MMP26: variants seen among roughly 807,000 people sequenced by gnomAD.
MMP26 encodes the protein matrix metalloproteinase-26.
A neutral mutation model predicts 31.0 loss-of-function variants in MMP26; 33 were observed. The ratio of observed to expected loss-of-function variants is 1.06; its 90% CI spans 0.81 to 1.42. The LOEUF (loss-of-function observed/expected upper bound fraction) is 1.42. Ranked by LOEUF, MMP26 falls within the 40% of genes most tolerant of loss-of-function variation. The pLI is 0.00. For missense variants in MMP26, 347 were observed against 316.1 expected (o/e 1.10, Z -0.74); for synonymous variants, 122 against 114.9 (o/e 1.06, Z -0.40).
intron 2 of MMP26, among the ~76,000 whole-genome samples, chr11:4,961,358 G>C (rs541526516): frequency 6.6e-6 from 1 of 152,132 alleles, no homozygotes; most frequent in Non-Finnish European, 1.5e-5. Context: ...TGGCTGATTC[G>C]ATGGTGCCCA....
At chr11:4,899,530 T>C (rs73405046) in intron 2 of MMP26, among the ~76,000 whole-genome samples, 5,052 of 152,264 alleles carry the variant, frequency 0.033, 277 homozygotes, top group African/African-American at 0.12. Flanking sequence ...AATGTCTCTA[T>C]AGAATGACCT....
At chr11:4,907,860 G>T (rs1039683343) in intron 2 of MMP26, 16 of 1,613,860 alleles carry the variant, frequency 9.9e-6, no homozygotes, top group Non-Finnish European at 1.4e-5. Context: ...TTCACCTTAA[G>T]GAGATTAAAA....
At chr11:4,914,782 G>C (rs2133573523) in intron 2 of MMP26, 1 of 1,613,988 alleles carries the variant, frequency 6.2e-7, no homozygotes, top group Non-Finnish European at 8.5e-7. Flanking sequence ...TGTAGACAAT[G>C]GGATTCATCA....
intron 2 of MMP26, chr11:4,787,004 T>G (rs918337224): frequency 4.6e-5 from 7 of 153,040 alleles, no homozygotes; most frequent in African/African-American, 1.7e-4. Flanking sequence ...CCCACGACCC[T>G]CAGTGTCCTC....
rs372038181 is a variant in MMP26, at chr11:4,943,619, C to T, written c.-144-44449C>T. 1.5e-4 allele frequency: 57 copies of T among 374,098 alleles called. No homozygotes were observed. In the East Asian group the frequency reaches 2.1e-3, roughly 14 times the overall value. The allele number at this position is 374,098 out of a possible 1,614,324, so 23.2% of individuals were successfully genotyped here. On this transcript the variant is annotated intron_variant, in intron 2 of 7. Coordinates refer to ENST00000380390, the MANE Select transcript of MMP26 (RefSeq NM_021801.5). ...GTGGAAGTCAGTGACACACCCACAC[C>T]CCCAGGTTGCAACAACCGAAGATGT...
At chr11:4,776,341 T>C (rs896734280) in intron 2 of MMP26, among the ~76,000 whole-genome samples, 1 of 152,184 alleles carries the variant, frequency 6.6e-6, no homozygotes, top group African/African-American at 2.4e-5. Context: ...AAATAACAGT[T>C]CTATGTTTAG....
At chr11:4,907,994 G>C in intron 2 of MMP26, 1 of 1,614,154 alleles carries the variant, frequency 6.2e-7, no homozygotes, top group Non-Finnish European at 8.5e-7. Context: ...TACTATGCTG[G>C]ACTTGGCACT....
chr11:4,734,407 T>G (rs1848210570), intron 1 of MMP26, among the ~76,000 whole-genome samples: 1 of 152,150 alleles, frequency 6.6e-6, no homozygotes, highest in African/African-American at 2.4e-5. Context: ...CTAAACATTC[T>G]TTTATTCCTT....
intron 2 of MMP26, among the ~76,000 whole-genome samples, chr11:4,810,157 A>G (rs1002575811): frequency 1.3e-5 from 2 of 152,180 alleles, no homozygotes; most frequent in African/African-American, 4.8e-5. Context: ...AGAAGTAGGA[A>G]GGCAGGGGAT....
intron 1 of MMP26, among the ~76,000 whole-genome samples, chr11:4,730,160 C>T (rs943204821): frequency 2.0e-5 from 3 of 152,080 alleles, no homozygotes; most frequent in Non-Finnish European, 2.9e-5. Context: ...TATTGGGTTG[C>T]TTTAATATTT....
At position 4,822,218 on chromosome 11, in the gene MMP26, A is replaced by G. The variant is rs532943557; in HGVS notation, c.-145+54877A>G. On this transcript the variant is annotated intron_variant, in intron 2 of 7. Coordinates refer to ENST00000380390, the MANE Select transcript of MMP26 (RefSeq NM_021801.5). ...ATCAGTTTGTCTCTTGTCCATCGCT[A>G]TGGCCATTCAGCACCTCCATTTGTC... is the stretch of plus-strand genomic sequence containing the variant. The G allele has an allele frequency of 9.6e-5, 152 of 1,586,858 alleles. 2 individuals are homozygous for G. The South Asian group carries it at 1.6e-3, about 17-fold the overall frequency.
At chr11:4,732,718 T>G (rs1205786646) in intron 1 of MMP26, among the ~76,000 whole-genome samples, 1 of 152,220 alleles carries the variant, frequency 6.6e-6, no homozygotes, top group African/African-American at 2.4e-5. Context: ...TCATACAATA[T>G]TGGGCATTTG....
intron 1 of MMP26, among the ~76,000 whole-genome samples, chr11:4,746,196 A>G (rs1045703312): frequency 1.3e-5 from 2 of 152,174 alleles, no homozygotes; most frequent in East Asian, 1.9e-4. Context: ...CACATTATTA[A>G]TTCTCACTTT....
chr11:4,962,113 G>T (rs1307426322), intron 2 of MMP26, among the ~76,000 whole-genome samples: 5 of 152,096 alleles, frequency 3.3e-5, no homozygotes, highest in South Asian at 4.2e-4. Context: ...CAAATCCTTG[G>T]TCAAGTTCTA....
At chr11:4,848,789 G>C in intron 2 of MMP26, 2 of 1,614,150 alleles carry the variant, frequency 1.2e-6, no homozygotes, top group African/African-American at 2.7e-5. Flanking sequence ...GGAGCGCTGG[G>C]TAGTGGAGAG....
chr11:4,854,383 C>G (rs1442043911), intron 2 of MMP26, among the ~76,000 whole-genome samples: 1 of 152,204 alleles, frequency 6.6e-6, no homozygotes, highest in Non-Finnish European at 1.5e-5. Context: ...GCTTTTCCAA[C>G]AGTCTTAGCA....
At chr11:4,763,827 T>A (rs1848596674) in intron 1 of MMP26, among the ~76,000 whole-genome samples, 2 of 152,246 alleles carry the variant, frequency 1.3e-5, no homozygotes, top group South Asian at 4.1e-4. Context: ...TGTCACAGAT[T>A]AATAATTATT....
chr11:4,953,354 A>G (rs1846392789), intron 2 of MMP26, among the ~76,000 whole-genome samples: 2 of 124,950 alleles, frequency 1.6e-5, no homozygotes. Context: ...AAAATTAAAG[A>G]AAATAGATAG....
chr11:4,739,582 A>T (rs909832002), intron 1 of MMP26, among the ~76,000 whole-genome samples: 21 of 151,894 alleles, frequency 1.4e-4, no homozygotes, highest in Non-Finnish European at 2.1e-4. Context: ...ACCACTTGAT[A>T]TGGAGAATAT....
Sources: allele counts gnomAD v4.1 joint callset (sites outside exome capture counted in the v4.1 genomes callset), GRCh38; gene constraint gnomAD v4.1.1; transcripts MANE v1.5; gene names NCBI Gene and HGNC (gene_info 2026-07-23, HGNC 2026-07-21).